Variants in IL7 observed in about 807,000 individuals in gnomAD.
IL7 encodes interleukin-7.
In IL7, 3 loss-of-function variants were observed where a neutral mutation model predicts 21.6. The observed-to-expected ratio is 0.14, with a 90% CI of 0.06 to 0.36. The LOEUF (loss-of-function observed/expected upper bound fraction) is 0.36. Among genes scored for constraint, IL7 ranks in the 10% least tolerant of loss-of-function variants. The probability of loss-of-function intolerance (pLI) is 1.00; values close to 1 mark genes in which losing one functional copy is unlikely to be tolerated. For synonymous variants in IL7, 62 were observed against 68.1 expected (o/e 0.91, Z 0.44); for missense variants, 175 against 200.2 (o/e 0.87, Z 0.76).
chr8:78,714,508 G>A (rs1315120065), downstream of IL7, among the ~76,000 whole-genome samples: 6 of 152,060 alleles, frequency 3.9e-5, no homozygotes, highest in Admixed American at 1.3e-4. Context: ...CAGACTTGCT[G>A]TCACAAAGCT....
chr8:78,761,131 A>T (rs1261506959), intron 2 of IL7: 1 of 1,596,178 alleles, frequency 6.3e-7, no homozygotes, highest in Non-Finnish European at 8.5e-7. Context: ...TTTCAAAAGC[A>T]TCATGCCTCC....
At chr8:78,789,319 A>C (rs1351023109) in intron 2 of IL7, among the ~76,000 whole-genome samples, 1 of 152,172 alleles carries the variant, frequency 6.6e-6, no homozygotes, top group Non-Finnish European at 1.5e-5. Flanking sequence ...ATAAACAGGA[A>C]ATTTATATTT....
At chr8:78,792,121 A>T (rs912625577) in intron 2 of IL7, among the ~76,000 whole-genome samples, 6 of 152,158 alleles carry the variant, frequency 3.9e-5, no homozygotes, top group African/African-American at 1.4e-4. Flanking sequence ...TGGAGAGGTC[A>T]GAAATAAACC....
chr8:78,792,617 T>C (rs1813732416), intron 2 of IL7, among the ~76,000 whole-genome samples: 2 of 152,012 alleles, frequency 1.3e-5, no homozygotes, highest in Non-Finnish European at 2.9e-5. Flanking sequence ...AAGATTTGAA[T>C]AAACAATTCT....
At chr8:78,762,433 G>C in intron 2 of IL7, 1 of 1,582,868 alleles carries the variant, frequency 6.3e-7, no homozygotes, top group Non-Finnish European at 8.6e-7. Flanking sequence ...GTTCGGCATC[G>C]TCGCCCGCCC....
At chr8:78,682,613 C>A (rs905499223) in intron 4 of IL7, among the ~76,000 whole-genome samples, 1 of 152,164 alleles carries the variant, frequency 6.6e-6, no homozygotes, top group Non-Finnish European at 1.5e-5. Context: ...ATGAGAACTA[C>A]AATTCAAGAT....
At chr8:78,698,611 C>A in intron 3 of IL7, 1 of 908,734 alleles carries the variant, frequency 1.1e-6, no homozygotes. Context: ...ATCTTCATTT[C>A]CTAAGTTCAT....
downstream of IL7, among the ~76,000 whole-genome samples, chr8:78,675,482 A>G (rs576723120): frequency 6.6e-6 from 1 of 152,022 alleles, no homozygotes; most frequent in African/African-American, 2.4e-5. Flanking sequence ...GAGATAGCCT[A>G]TAAGTTAAGA....
intron 2 of IL7, among the ~76,000 whole-genome samples, chr8:78,793,690 A>T (rs78727173): frequency 0.024 from 3,683 of 152,184 alleles, 153 homozygotes; most frequent in African/African-American, 0.084. Context: ...TGAGGCAACA[A>T]TGAAGTTTGC....
chr8:78,722,696 A>G (rs1239476100), intron 3 of IL7, among the ~76,000 whole-genome samples: 2 of 151,988 alleles, frequency 1.3e-5, no homozygotes, highest in African/African-American at 2.4e-5. Flanking sequence ...ATGCCATATC[A>G]AAGATGTTCA....
At chr8:78,734,534 C>T (rs1811508828) in intron 5 of IL7, among the ~76,000 whole-genome samples, 1 of 152,140 alleles carries the variant, frequency 6.6e-6, no homozygotes, top group South Asian at 2.1e-4. Flanking sequence ...AAATATAAAG[C>T]ATACCAGTGA....
intron 5 of IL7, among the ~76,000 whole-genome samples, chr8:78,720,781 C>G (rs1437795762): frequency 6.6e-6 from 1 of 151,890 alleles, no homozygotes; most frequent in Non-Finnish European, 1.5e-5. Flanking sequence ...AAGCATATCA[C>G]TTATGGACAA....
intron 2 of IL7, among the ~76,000 whole-genome samples, chr8:78,749,568 G>A (rs955770481): frequency 1.3e-5 from 2 of 152,136 alleles, no homozygotes; most frequent in African/African-American, 4.8e-5. Flanking sequence ...CAACCATTGT[G>A]GGGGTAGAAA....
chr8:78,732,092 G>A (rs1004643244), downstream of IL7, among the ~76,000 whole-genome samples: 1 of 152,012 alleles, frequency 6.6e-6, no homozygotes, highest in South Asian at 2.1e-4. Context: ...GGGTAGAGGT[G>A]TACCACATGG....
downstream of IL7, among the ~76,000 whole-genome samples, chr8:78,728,891 A>G (rs1415526139): frequency 6.6e-6 from 1 of 152,020 alleles, no homozygotes; most frequent in Non-Finnish European, 1.5e-5. Flanking sequence ...TTAGAGGAAC[A>G]GAAACTTGGT....
chr8:78,774,229 A>T (rs960865172), intron 2 of IL7, among the ~76,000 whole-genome samples: 1 of 152,144 alleles, frequency 6.6e-6, no homozygotes, highest in Non-Finnish European at 1.5e-5. Flanking sequence ...GCAGATCCTT[A>T]TCTAACCCTG....
downstream of IL7, chr8:78,717,760 A>G (rs1811151575): frequency 8.4e-6 from 2 of 238,224 alleles, no homozygotes; most frequent in Non-Finnish European, 8.1e-6. Context: ...AAATGGAACA[A>G]TTAATTTAGG....
chr8:78,710,550 T>A (rs992597017), intron 3 of IL7, among the ~76,000 whole-genome samples: 2 of 152,072 alleles, frequency 1.3e-5, no homozygotes, highest in African/African-American at 4.8e-5. Flanking sequence ...TTTTAAAATA[T>A]AGTCAAAAAT....
chr8:78,760,892 C>G, intron 2 of IL7: 1 of 1,558,670 alleles, frequency 6.4e-7, no homozygotes, highest in South Asian at 1.2e-5. Context: ...AGTCAAGCTA[C>G]CGGCTGCAAA....
Sources: allele counts gnomAD v4.1 joint callset (sites outside exome capture counted in the v4.1 genomes callset), GRCh38; gene constraint gnomAD v4.1.1; transcripts MANE v1.5; gene names NCBI Gene and HGNC (gene_info 2026-07-23, HGNC 2026-07-21).